The following ATP9A variants were observed in gnomAD, a reference collection of about 807,000 sequenced individuals.
The protein encoded by ATP9A is ATPase phospholipid transporting 9A.
ATP9A carries 52 observed loss-of-function variants against 144.1 expected under a neutral mutation model. That is an observed-to-expected ratio of 0.36 (90% CI 0.29 to 0.45). ATP9A has a LOEUF of 0.45. Ranked by LOEUF, ATP9A falls within the 20% of genes least tolerant of loss-of-function variation. The probability of loss-of-function intolerance (pLI) is 1.00; values close to 1 mark genes in which losing one functional copy is unlikely to be tolerated. For missense variants in ATP9A, 947 were observed against 1,392.7 expected (o/e 0.68, Z 5.09); for synonymous variants, 582 against 557.4 (o/e 1.04, Z -0.62).
At chr20:51,700,995 A>G (rs1442938892) in intron 4 of ATP9A, among the ~76,000 whole-genome samples, 1 of 152,162 alleles carries the variant, frequency 6.6e-6, no homozygotes, top group Admixed American at 6.5e-5. Flanking sequence ...TCAGGAAGGT[A>G]TTACTTGAAG....
chr20:51,605,347 G>A (rs1048487976), intron 26 of ATP9A, among the ~76,000 whole-genome samples: 8 of 152,358 alleles, frequency 5.3e-5, no homozygotes, highest in Non-Finnish European at 1.0e-4. Context: ...GGCCAGGCGC[G>A]GGGGCTCAGG....
intron 26 of ATP9A, among the ~76,000 whole-genome samples, chr20:51,607,208 CCTGA>C (rs1352925407): frequency 1.3e-5 from 2 of 152,192 alleles, no homozygotes; most frequent in Admixed American, 1.3e-4. Flanking sequence ...TACGACTTGA[CCTGA>C]CTCTCAGAAA....
At position 51,610,416 on chromosome 20, in the gene ATP9A, C is replaced by T. The variant is rs141211106; in HGVS notation, c.2572-251G>A. On this transcript the variant is annotated intron_variant, in intron 23 of 27. Transcript: ENST00000338821. ...AGGGTACGTGGCTTGCCCAAGCCCA[C>T]ACAGTTCCTAAGCAGCAAATCTAGG... Among the ~76,000 whole-genome samples, 1,316 of 152,278 alleles carry T rather than the reference C, an allele frequency of 8.6e-3. 6 individuals are homozygous for T. Among genetic ancestry groups the T allele is most frequent in the Middle Eastern group, 0.01 (3 of 294 alleles).
chr20:51,658,816 G>A (rs1003124394), intron 13 of ATP9A, among the ~76,000 whole-genome samples: 12 of 138,464 alleles, frequency 8.7e-5, no homozygotes, highest in African/African-American at 2.4e-4. Context: ...CACCGTGCCC[G>A]ACCCCCACCT....
chr20:51,676,217 G>T lies in ATP9A; in HGVS notation c.800-9C>A, dbSNP rs772466076. 15 of 1,456,056 alleles carry T rather than the reference G, an allele frequency of 1.0e-5. No homozygotes were observed. The highest frequency in any genetic ancestry group is 1.3e-5 in the Non-Finnish European group (14 of 1,095,544). The allele number at this position is 1,456,056 out of a possible 1,614,324, so 90.2% of individuals were successfully genotyped here. A position where few individuals can be genotyped will look rare whatever the true frequency, so the allele number is the denominator to read the frequency against. ...AACACCCACAACAGTACCTAAAATG[G>T]AAAAAAGAAAAAAAAAAAAAGAAAA... On this transcript the variant is annotated splice_polypyrimidine_tract_variant and intron_variant, in intron 9 of 27. Coordinates refer to ENST00000338821, the MANE Select transcript of ATP9A (RefSeq NM_006045.3).
intron 3 of ATP9A, among the ~76,000 whole-genome samples, chr20:51,713,763 T>C (rs1202453069): frequency 6.6e-6 from 1 of 152,190 alleles, no homozygotes; most frequent in African/African-American, 2.4e-5. Flanking sequence ...TGCAACCCCA[T>C]TCATATAAAT....
chr20:51,762,258 A>G (rs1417960207), intron 1 of ATP9A, among the ~76,000 whole-genome samples: 1 of 151,846 alleles, frequency 6.6e-6, no homozygotes, highest in African/African-American at 2.4e-5. Context: ...CCCAGCACTT[A>G]GGGAGGCCAA....
In ATP9A at chr20:51,613,755, A is replaced by G. The variant is rs1480887980; in HGVS notation, c.2493T>C (p.His831=). The G allele has an allele frequency of 2.5e-6, 4 of 1,614,068 alleles. No individual in the cohort carries two copies. In the South Asian group the frequency reaches 3.3e-5, roughly 13 times the overall value. The change falls in exon 23 of 28, where the codon CAT becomes CAC. Residue 831 remains histidine, a synonymous_variant. Transcript: ENST00000338821. The stretch of plus-strand genomic sequence containing the variant: ...CTGACCGCTTGTAGCTGTTCCGGCC[A>G]TGCACCATAAGCAACCGGCCAAGAT... ...FKHLGRLLMV[H]GRNSYKRSAA... is the part of the protein sequence containing the mutation.
chr20:51,687,027 T>C (rs2077526122), intron 9 of ATP9A, among the ~76,000 whole-genome samples: 3 of 150,924 alleles, frequency 2.0e-5, no homozygotes, highest in Non-Finnish European at 4.4e-5. Flanking sequence ...TCAAACTGAA[T>C]GAGATAATTA....
At chr20:51,688,967 G>C in intron 9 of ATP9A, 97 bp downstream of exon 9, 1 of 1,291,536 alleles carries the variant, frequency 7.7e-7, no homozygotes, top group Non-Finnish European at 1.1e-6. Context: ...ATTTGACCGA[G>C]CACTCATTTT....
At chr20:51,728,819 C>T (rs2077727043) in intron 2 of ATP9A, among the ~76,000 whole-genome samples, 1 of 152,090 alleles carries the variant, frequency 6.6e-6, no homozygotes, top group Admixed American at 6.6e-5. Flanking sequence ...AGATTTGTGC[C>T]TCTGCACTAT....
At chr20:51,670,898 G>GGT (rs1276832557) in intron 12 of ATP9A, among the ~76,000 whole-genome samples, 1 of 152,182 alleles carries the variant, frequency 6.6e-6, no homozygotes, top group East Asian at 1.9e-4. Flanking sequence ...GAGGACTGAA[G>GGT]GAGTGACCGC....
At chr20:51,745,338 G>A (rs1452446730) in intron 1 of ATP9A, among the ~76,000 whole-genome samples, 5 of 151,726 alleles carry the variant, frequency 3.3e-5, no homozygotes, top group African/African-American at 1.2e-4. Context: ...GGGAGACTGA[G>A]GCAGGAGAAT....
intron 1 of ATP9A, among the ~76,000 whole-genome samples, chr20:51,745,254 G>A (rs143573789): frequency 4.9e-4 from 70 of 143,400 alleles, no homozygotes; most frequent in South Asian, 2.0e-3. Flanking sequence ...GTGACAGAGC[G>A]AGACTCCGTC....
intron 14 of ATP9A, among the ~76,000 whole-genome samples, chr20:51,639,738 G>A (rs1285991971): frequency 1.3e-5 from 2 of 152,132 alleles, no homozygotes; most frequent in African/African-American, 4.8e-5. Context: ...ATCTTTTCTA[G>A]GCTCAAAACA....
chr20:51,605,046 C>G (rs776963325), intron 26 of ATP9A, 26 bp from the exon 27 acceptor site: 2 of 1,550,474 alleles, frequency 1.3e-6, no homozygotes, highest in African/African-American at 1.4e-5. Flanking sequence ...AAGGGTATTC[C>G]CCTCACCCTC....
chr20:51,623,766 C>T (rs1288603832), intron 18 of ATP9A, among the ~76,000 whole-genome samples: 16 of 129,072 alleles, frequency 1.2e-4, no homozygotes, highest in Admixed American at 2.7e-4. Flanking sequence ...CCAGCCTGGG[C>T]GACAGAGTGA....
At chr20:51,657,246 CT>C (rs2077391041) in intron 13 of ATP9A, 96 bp from the exon 14 acceptor site, 3 of 997,226 alleles carry the variant, frequency 3.0e-6, no homozygotes, top group African/African-American at 3.2e-5. Context: ...CTTTTTTCTA[CT>C]GTTCCAACAC....
intron 9 of ATP9A, 127 bp downstream of exon 9, chr20:51,688,937 C>A (rs765244706): frequency 2.2e-5 from 23 of 1,044,150 alleles, no homozygotes; most frequent in Admixed American, 2.1e-4. Flanking sequence ...CTGGAGGTGT[C>A]GGAACAAGTG....
Sources: allele counts gnomAD v4.1 joint callset (sites outside exome capture counted in the v4.1 genomes callset), GRCh38; gene constraint gnomAD v4.1.1; transcripts MANE v1.5; gene names NCBI Gene and HGNC (gene_info 2026-07-23, HGNC 2026-07-21).